The following PPP6R3 variants were observed in gnomAD, a reference collection of about 807,000 sequenced individuals.
PPP6R3 encodes the protein serine/threonine-protein phosphatase 6 regulatory subunit 3.
Under a neutral mutation model 110.7 loss-of-function variants are expected in PPP6R3, and 38 were observed. The observed-to-expected ratio is 0.34, with a 90% CI of 0.26 to 0.45. The LOEUF (loss-of-function observed/expected upper bound fraction) is 0.45, where lower values mean the gene tolerates loss of function less well. Ranked by LOEUF, PPP6R3 falls within the 20% of genes least tolerant of loss-of-function variation. The pLI is 1.00. For missense variants in PPP6R3, 870 were observed against 1,062.4 expected, an observed-to-expected ratio of 0.82 and a Z score of 2.52; for synonymous variants, 369 against 373.5, an observed-to-expected ratio of 0.99 and a Z score of 0.14.
At chr11:68,562,596 A>G (rs2099429227) in intron 8 of PPP6R3, among the ~76,000 whole-genome samples, 1 of 152,242 alleles carries the variant, frequency 6.6e-6, no homozygotes. Flanking sequence ...AGCAGAGTCC[A>G]GAAGTAGACC....
intron 14 of PPP6R3, among the ~76,000 whole-genome samples, chr11:68,579,673 T>C (rs1028466919): frequency 1.3e-5 from 2 of 152,368 alleles, no homozygotes; most frequent in East Asian, 3.9e-4. Context: ...ATGTGTAATA[T>C]ACAGTCATGC....
At chr11:68,585,632 T>C (rs2099575826) in intron 15 of PPP6R3, among the ~76,000 whole-genome samples, 1 of 152,198 alleles carries the variant, frequency 6.6e-6, no homozygotes, top group Non-Finnish European at 1.5e-5. Context: ...TTTTGGTAGC[T>C]TTATTAGTAA....
In PPP6R3 at chr11:68,609,323, G is replaced by A. The variant is rs144144773; in HGVS notation, c.2451-581G>A. 45 of 600,994 alleles carry A rather than the reference G, an allele frequency of 7.5e-5. 2 individuals carry two copies. The East Asian group carries it at 1.3e-3, about 17-fold the overall frequency. 37.2% of individuals were successfully genotyped at this position (600,994 alleles called of 1,614,324 possible). A position where few individuals can be genotyped will look rare whatever the true frequency, so the allele number is the denominator to read the frequency against. On this transcript the variant is annotated intron_variant, in intron 22 of 23. Transcript: ENST00000393800. ...CACACATTGTTCGAGGGCAACTCGA[G>A]GAGCCGTGAAATCCGATGCAGTCAA...
intron 14 of PPP6R3, among the ~76,000 whole-genome samples, chr11:68,579,726 G>A (rs2099545716): frequency 6.6e-6 from 1 of 152,234 alleles, no homozygotes; most frequent in Non-Finnish European, 1.5e-5. Context: ...ATATATGACA[G>A]TAGTCCCATA....
intron 1 of PPP6R3, among the ~76,000 whole-genome samples, chr11:68,495,725 C>A (rs768807949): frequency 2.0e-5 from 3 of 152,138 alleles, no homozygotes; most frequent in Non-Finnish European, 4.4e-5. Flanking sequence ...TTTATTTATT[C>A]ATTCATCAGT....
At chr11:68,473,181 T>C (rs1277634717) in intron 1 of PPP6R3, among the ~76,000 whole-genome samples, 1 of 152,158 alleles carries the variant, frequency 6.6e-6, no homozygotes, top group African/African-American at 2.4e-5. Context: ...GGAAAGACCA[T>C]GATTAGAGGG....
intron 1 of PPP6R3, among the ~76,000 whole-genome samples, chr11:68,474,252 C>T (rs2098812756): frequency 6.6e-6 from 1 of 152,086 alleles, no homozygotes; most frequent in Admixed American, 6.6e-5. Context: ...TGCTTTGTTG[C>T]CTAGGCTGGT....
At chr11:68,608,034 TAA>T (rs55705439) in intron 22 of PPP6R3, among the ~76,000 whole-genome samples, 2,048 of 134,890 alleles carry the variant, frequency 0.015, 53 homozygotes, top group African/African-American at 0.05. Context: ...AGGACTTCTT[TAA>T]AAAAAAAAAA....
rs184486433 is a variant in PPP6R3 at position 68,528,880 on chromosome 11, G to A, written c.-6-8779G>A. Among the ~76,000 whole-genome samples the A allele has an allele frequency of 5.3e-5, 8 of 152,300 alleles. No individual in the cohort carries two copies. The East Asian group carries it at 1.5e-3, about 29-fold the overall frequency. ...ATCCAAGCCTAGAAGGAAGTCCTCAGCCTCCAGGTGTCTGGACACTGCATC... is the reference window on the plus strand; with the variant it reads ...ATCCAAGCCTAGAAGGAAGTCCTCAACCTCCAGGTGTCTGGACACTGCATC... On this transcript the variant is annotated intron_variant, in intron 2 of 23. Transcript: ENST00000393800.
At chr11:68,486,138 A>G (rs1052594738) in intron 1 of PPP6R3, among the ~76,000 whole-genome samples, 6 of 152,040 alleles carry the variant, frequency 3.9e-5, no homozygotes, top group African/African-American at 1.2e-4. Flanking sequence ...TTTTTTATAT[A>G]TAATGCTTTT....
At chr11:68,495,799 G>T (rs959662654) in intron 1 of PPP6R3, among the ~76,000 whole-genome samples, 1 of 152,186 alleles carries the variant, frequency 6.6e-6, no homozygotes, top group African/African-American at 2.4e-5. Context: ...AGACATTTAT[G>T]TACAAATTAT....
At chr11:68,532,584 C>T (rs554136144) in intron 2 of PPP6R3, among the ~76,000 whole-genome samples, 31 of 152,190 alleles carry the variant, frequency 2.0e-4, no homozygotes, top group Admixed American at 6.5e-4. Context: ...GCATATATTA[C>T]AGTGCTCCCA....
chr11:68,488,470 A>C (rs1413762974), intron 1 of PPP6R3: 1 of 151,970 alleles, frequency 6.6e-6, no homozygotes, highest in Non-Finnish European at 1.5e-5. Context: ...CCAGCCCCCC[A>C]TTCCTTTACT....
chr11:68,498,424 C>T (rs987772145), intron 1 of PPP6R3, among the ~76,000 whole-genome samples: 4 of 152,090 alleles, frequency 2.6e-5, no homozygotes, highest in African/African-American at 7.2e-5. Flanking sequence ...AATAGAAATA[C>T]GGAAAAGTAC....
intron 19 of PPP6R3, 109 bp downstream of exon 19, chr11:68,596,327 T>A: frequency 4.1e-6 from 6 of 1,481,202 alleles, no homozygotes; most frequent in Non-Finnish European, 3.7e-6. Flanking sequence ...GAAGGAAAGG[T>A]TGGGTTGAAG....
chr11:68,463,057 G>A (rs2098719561), intron 1 of PPP6R3, among the ~76,000 whole-genome samples: 1 of 152,178 alleles, frequency 6.6e-6, no homozygotes, highest in Non-Finnish European at 1.5e-5. Context: ...AACATTGACA[G>A]GATGAGGTTG....
chr11:68,544,136 C>G (rs2099335134), intron 3 of PPP6R3, among the ~76,000 whole-genome samples: 1 of 152,160 alleles, frequency 6.6e-6, no homozygotes, highest in South Asian at 2.1e-4. Context: ...CTCACTCTTG[C>G]CCAGGCTGGA....
chr11:68,532,296 A>G (rs1025171540), intron 2 of PPP6R3, among the ~76,000 whole-genome samples: 1 of 152,200 alleles, frequency 6.6e-6, no homozygotes, highest in African/African-American at 2.4e-5. Context: ...TTGTGTATAT[A>G]AGATGGCAGT....
chr11:68,463,122 C>G (rs2098720092), intron 1 of PPP6R3, among the ~76,000 whole-genome samples: 1 of 151,972 alleles, frequency 6.6e-6, no homozygotes, highest in African/African-American at 2.4e-5. Flanking sequence ...GCCTGTAATC[C>G]CAGCACTTTG....
Sources: allele counts gnomAD v4.1 joint callset (sites outside exome capture counted in the v4.1 genomes callset), GRCh38; gene constraint gnomAD v4.1.1; transcripts MANE v1.5; gene names NCBI Gene and HGNC (gene_info 2026-07-23, HGNC 2026-07-21).